COL4A6: variants seen among roughly 807,000 people sequenced by gnomAD.
COL4A6 encodes collagen type IV alpha 6 chain.
A neutral mutation model predicts 126.7 loss-of-function variants in COL4A6; 59 were observed. That is an observed-to-expected ratio of 0.47 (90% CI 0.38 to 0.58). COL4A6 has a LOEUF of 0.58. Among genes scored for constraint, COL4A6 ranks in the 20% least tolerant of loss-of-function variants. COL4A6 has a pLI of 0.00. For missense variants in COL4A6, 1,285 were observed against 1,337.3 expected (o/e 0.96, Z 0.61); for synonymous variants, 547 against 496.6 (o/e 1.10, Z -1.35).
chrX:108,335,671 T>G (rs931916666), intron 2 of COL4A6, among the ~76,000 whole-genome samples: 5 of 110,995 alleles, frequency 4.5e-5, no homozygotes, highest in African/African-American at 1.3e-4. Context: ...ATTTAAAATT[T>G]GGGGGTTAAG....
intron 3 of COL4A6, among the ~76,000 whole-genome samples, chrX:108,292,177 T>G: frequency 8.9e-6 from 1 of 112,371 alleles, no homozygotes; most frequent in South Asian, 3.7e-4. Context: ...GAAGCAATTT[T>G]CTTCGAATAT....
intron 31 of COL4A6, among the ~76,000 whole-genome samples, chrX:108,173,097 T>A (rs1380248490): frequency 8.9e-6 from 1 of 112,711 alleles, no homozygotes; most frequent in Non-Finnish European, 1.9e-5. Flanking sequence ...ACACACTATC[T>A]GAGTCTGGGA....
chrX:108,162,970 G>A lies in COL4A6; in HGVS notation c.4138C>T (p.Pro1380Ser), dbSNP rs2034009005. 2.5e-6 allele frequency: 3 copies of A among 1,202,129 alleles called. No individual in the cohort carries two copies. The highest frequency in any genetic ancestry group is 6.1e-5 in the East Asian group (2 of 32,861). ...TAEAVQVPPG[P>S]LGLPGIDGIP... ...CCATCGATCCCTGGTAGACCCAAGG[G>A]TCCAGGAGGAACCTGGACAGCTTCT... The change falls in exon 41 of 45, where the codon CCC becomes TCC. Residue 1380 changes from proline (P) to serine (S), a missense_variant. Coordinates refer to ENST00000334504, the MANE Select transcript of COL4A6 (RefSeq NM_033641.4).
chrX:108,274,682 T>C (rs1365749320), intron 3 of COL4A6, among the ~76,000 whole-genome samples: 1 of 111,804 alleles, frequency 8.9e-6, no homozygotes, highest in East Asian at 2.8e-4. Context: ...CCCAAGCTCA[T>C]TGGTTGTTTG....
intron 42 of COL4A6, 83 bp from the exon 43 acceptor site, chrX:108,160,737 A>G (rs2033905471): frequency 1.1e-6 from 1 of 900,949 alleles, no homozygotes; most frequent in African/African-American, 2.0e-5. Context: ...ACATTGTCCA[A>G]GGCATGTTAT....
intron 2 of COL4A6, among the ~76,000 whole-genome samples, chrX:108,399,919 G>A (rs776432108): frequency 9.0e-6 from 1 of 111,090 alleles, no homozygotes; most frequent in South Asian, 3.8e-4. Flanking sequence ...CTAATTTCAG[G>A]GAGTTTACTG....
At chrX:108,430,808 T>A (rs2064163652) in intron 2 of COL4A6, among the ~76,000 whole-genome samples, 1 of 111,543 alleles carries the variant, frequency 9.0e-6, no homozygotes, top group South Asian at 3.7e-4. Flanking sequence ...AAGAAAACAA[T>A]TTCACCTTTA....
At chrX:108,367,592 A>G (rs1364315190) in intron 2 of COL4A6, among the ~76,000 whole-genome samples, 4 of 112,218 alleles carry the variant, frequency 3.6e-5, no homozygotes, top group Non-Finnish European at 7.5e-5. Context: ...TAGTTTTACA[A>G]AACAATTATT....
chrX:108,180,514 C>A lies in COL4A6; in HGVS notation c.2131+1G>T. 8.4e-7 allele frequency: 1 copy of A among 1,194,873 alleles called. No individual in the cohort carries two copies. The highest frequency in any genetic ancestry group is 1.1e-6 in the Non-Finnish European group (1 of 882,311). On this transcript the variant is annotated splice_donor_variant, in intron 25 of 44. Transcript: ENST00000334504. LOFTEE classifies it high-confidence loss of function. ...AGGTGAGGAGACACTCCTTTTCTTACCTGGTAATTCAGGAAGATGAACCAA... is the reference window on the plus strand; with the variant it reads ...AGGTGAGGAGACACTCCTTTTCTTAACTGGTAATTCAGGAAGATGAACCAA...
At chrX:108,396,537 T>C (rs1234616538) in intron 2 of COL4A6, among the ~76,000 whole-genome samples, 1 of 111,500 alleles carries the variant, frequency 9.0e-6, no homozygotes, top group Non-Finnish European at 1.9e-5. Context: ...AAAGTCTAGG[T>C]CCAGTGCCTG....
At chrX:108,390,861 C>T (rs981099263) in intron 2 of COL4A6, among the ~76,000 whole-genome samples, 13 of 111,092 alleles carry the variant, frequency 1.2e-4, no homozygotes, top group Non-Finnish European at 2.1e-4. Context: ...TCTCCATCTT[C>T]GTGGATTTGA....
chrX:108,310,922 C>T, intron 2 of COL4A6, 94 bp from the exon 3 acceptor site: 3 of 649,006 alleles, frequency 4.6e-6, no homozygotes, highest in Non-Finnish European at 7.3e-6. Context: ...CCAAGTAAAT[C>T]TATTGCGGCT....
At chrX:108,262,197 C>G (rs1296674839) in intron 3 of COL4A6, among the ~76,000 whole-genome samples, 1 of 111,426 alleles carries the variant, frequency 9.0e-6, no homozygotes, top group Non-Finnish European at 1.9e-5. Flanking sequence ...GGTATATTTT[C>G]TTTGGCTGCC....
At chrX:108,354,211 C>T (rs1194584423) in intron 2 of COL4A6, among the ~76,000 whole-genome samples, 2 of 110,879 alleles carry the variant, frequency 1.8e-5, no homozygotes, top group East Asian at 5.7e-4. Context: ...AAGATTAATA[C>T]AAGGGAGGAG....
intron 3 of COL4A6, among the ~76,000 whole-genome samples, chrX:108,263,849 A>G (rs1337884935): frequency 3.6e-5 from 4 of 111,528 alleles, no homozygotes; most frequent in African/African-American, 1.3e-4. Flanking sequence ...AAGGATGGAT[A>G]AAAGGTAGCC....
chrX:108,302,919 G>C (rs1425768832), intron 3 of COL4A6, among the ~76,000 whole-genome samples: 1 of 110,604 alleles, frequency 9.0e-6, no homozygotes, highest in Non-Finnish European at 1.9e-5. Context: ...TTTCTTTCTA[G>C]TGTCTCTCAA....
At chrX:108,278,261 GTATAAC>G (rs1340726369) in intron 3 of COL4A6, among the ~76,000 whole-genome samples, 1 of 111,738 alleles carries the variant, frequency 8.9e-6, no homozygotes, top group Non-Finnish European at 1.9e-5. Context: ...TTAGACGAAA[GTATAAC>G]TAGAATAATC....
chrX:108,177,465 C>G (rs189921311), intron 27 of COL4A6, among the ~76,000 whole-genome samples: 3 of 111,434 alleles, frequency 2.7e-5, no homozygotes, highest in South Asian at 3.8e-4. Context: ...TCCCAGGGAG[C>G]CTTGGATACA....
chrX:108,394,286 T>A (rs1294031490), intron 2 of COL4A6, among the ~76,000 whole-genome samples: 1 of 107,841 alleles, frequency 9.3e-6, no homozygotes, highest in Admixed American at 9.9e-5. Context: ...GGTGTAGGGG[T>A]CTAGGGGAGG....
Sources: allele counts gnomAD v4.1 joint callset (sites outside exome capture counted in the v4.1 genomes callset), GRCh38; gene constraint gnomAD v4.1.1; transcripts MANE v1.5; gene names NCBI Gene and HGNC (gene_info 2026-07-23, HGNC 2026-07-21).